PLD5: variants seen among roughly 807,000 people sequenced by gnomAD.
The protein encoded by PLD5 is phospholipase D family member 5.
A neutral mutation model predicts 61.1 loss-of-function variants in PLD5; 36 were observed. That is an observed-to-expected ratio of 0.59 (90% CI 0.45 to 0.78). PLD5 has a LOEUF of 0.78. Among genes scored for constraint, PLD5 ranks in the 30% least tolerant of loss-of-function variants. The pLI, the probability that PLD5 is intolerant of heterozygous loss-of-function variation, is 0.00. For missense variants in PLD5, 515 were observed against 644.4 expected (o/e 0.80, Z 2.17); for synonymous variants, 243 against 242.8 (o/e 1.00, Z -0.01).
intron 8 of PLD5, among the ~76,000 whole-genome samples, chr1:242,101,032 C>T (rs548359190): frequency 2.0e-5 from 3 of 152,230 alleles, no homozygotes; most frequent in Non-Finnish European, 4.4e-5. Flanking sequence ...ACACAAAATT[C>T]GTTTTCTTTT....
In PLD5 at chr1:242,450,450, A is replaced by C. The variant is rs368396578; in HGVS notation, c.189+73638T>G. ...CTGTTGGAAATGTTGGCAAAGTCCC[A>C]CAAATTGGTAGAATTCCTTTTGCTT... On this transcript the variant is annotated intron_variant, in intron 1 of 9. Transcript: ENST00000536534. Among the ~76,000 whole-genome samples the C allele has an allele frequency of 1.8e-4, 27 of 152,264 alleles. No homozygotes were observed. The East Asian group carries it at 3.1e-3, about 17-fold the overall frequency.
chr1:242,097,457 T>C (rs1660335513), intron 9 of PLD5, among the ~76,000 whole-genome samples: 1 of 152,182 alleles, frequency 6.6e-6, no homozygotes, highest in African/African-American at 2.4e-5. Flanking sequence ...TGGGGTGAGA[T>C]GGTATCTCAT....
At chr1:242,143,899 T>C (rs972714099) in intron 5 of PLD5, among the ~76,000 whole-genome samples, 4 of 151,904 alleles carry the variant, frequency 2.6e-5, no homozygotes, top group Non-Finnish European at 4.4e-5. Flanking sequence ...TGGAATGCAG[T>C]GGCACGATCT....
intron 1 of PLD5, among the ~76,000 whole-genome samples, chr1:242,353,610 G>A (rs1238681343): frequency 6.6e-6 from 1 of 151,946 alleles, no homozygotes; most frequent in Non-Finnish European, 1.5e-5. Flanking sequence ...AAATTTCTTT[G>A]CATAGTGTAA....
At chr1:242,494,736 C>A (rs1668307046) in intron 1 of PLD5, among the ~76,000 whole-genome samples, 1 of 152,154 alleles carries the variant, frequency 6.6e-6, no homozygotes, top group Non-Finnish European at 1.5e-5. Flanking sequence ...AAGAACTTCA[C>A]CCTATTATCA....
In PLD5 at chr1:242,296,075, AG is replaced by A. The variant is rs1558439284; in HGVS notation, c.327-7546del. Among the ~76,000 whole-genome samples, 4 of 152,312 alleles carry A rather than the reference AG, an allele frequency of 2.6e-5. No homozygotes were observed. In the East Asian group the frequency reaches 7.7e-4, roughly 29 times the overall value. On this transcript the variant is annotated intron_variant, in intron 2 of 9. Coordinates refer to ENST00000536534, the MANE Select transcript of PLD5 (RefSeq NM_001372062.1). ...CTGTTCCCGCTTCTGAGCAGAAAAAAGGTTATTACAAAGATTAACGGAGGGA... is the reference window on the plus strand; with the variant it reads ...CTGTTCCCGCTTCTGAGCAGAAAAAAGTTATTACAAAGATTAACGGAGGGA...
At chr1:242,280,312 C>G (rs907571742) in intron 3 of PLD5, among the ~76,000 whole-genome samples, 1 of 152,204 alleles carries the variant, frequency 6.6e-6, no homozygotes, top group African/African-American at 2.4e-5. Context: ...TGGAATAACA[C>G]TGCGAATTTG....
chr1:242,497,963 T>TTATG (rs1291727030), intron 1 of PLD5, among the ~76,000 whole-genome samples: 1 of 151,648 alleles, frequency 6.6e-6, no homozygotes, highest in Non-Finnish European at 1.5e-5. Flanking sequence ...TCAATTTATT[T>TTATG]TATTTATTTA....
chr1:242,275,631 T>C (rs1428321916), intron 3 of PLD5, among the ~76,000 whole-genome samples: 2 of 152,140 alleles, frequency 1.3e-5, no homozygotes, highest in Non-Finnish European at 2.9e-5. Flanking sequence ...GATAAGCAAA[T>C]ACAGCCCAAT....
intron 1 of PLD5, among the ~76,000 whole-genome samples, chr1:242,503,514 G>T (rs1668623221): frequency 1.3e-5 from 2 of 152,138 alleles, no homozygotes; most frequent in Non-Finnish European, 2.9e-5. Flanking sequence ...ATGCAAAAAT[G>T]ATCTAACAAC....
Position 242,234,617 on chromosome 1 carries a change from C to T in PLD5, c.608-14502G>A, listed in dbSNP as rs149676840. ...AGAGGGTTTGGGTGGTCCAACTTAA[C>T]ACCTGGAGATGCCACCTGCTGGGAA... On this transcript the variant is annotated intron_variant, in intron 4 of 9. Transcript: ENST00000536534. Among the ~76,000 whole-genome samples, 1,408 of 151,924 alleles carry T rather than the reference C, an allele frequency of 9.3e-3. 17 individuals are homozygous for T. Among genetic ancestry groups the T allele is most frequent in the Non-Finnish European group, 0.015 (1,034 of 67,974 alleles).
chr1:242,156,775 GC>G (rs1292398285), intron 5 of PLD5, among the ~76,000 whole-genome samples: 1 of 152,122 alleles, frequency 6.6e-6, no homozygotes, highest in Non-Finnish European at 1.5e-5. Context: ...CTCTCTGGCT[GC>G]CCTTAACATT....
In PLD5 at chr1:242,100,844, G is replaced by T; in HGVS notation, c.1240-62C>A. The T allele has an allele frequency of 3.5e-6, 4 of 1,146,598 alleles. No homozygotes were observed. The South Asian group carries it at 3.8e-5, about 11-fold the overall frequency. The allele number at this position is 1,146,598 out of a possible 1,614,324, so 71.0% of individuals were successfully genotyped here. Reference sequence around the variant, plus strand: ...GGAACGTTTCTGGTCTTGTCCAAGAGCACAAAAGAATGCATTATCCAAATG... The same window carrying T: ...GGAACGTTTCTGGTCTTGTCCAAGATCACAAAAGAATGCATTATCCAAATG... On this transcript the variant is annotated intron_variant, in intron 8 of 9. Coordinates refer to ENST00000536534, the MANE Select transcript of PLD5 (RefSeq NM_001372062.1).
At chr1:242,229,211 G>C (rs905512854) in intron 4 of PLD5, among the ~76,000 whole-genome samples, 3 of 152,138 alleles carry the variant, frequency 2.0e-5, no homozygotes, top group African/African-American at 7.2e-5. Context: ...GTACACTGTG[G>C]TTAAAAAATG....
chr1:242,304,830 T>C (rs1473954314), intron 2 of PLD5, among the ~76,000 whole-genome samples: 4 of 152,168 alleles, frequency 2.6e-5, no homozygotes, highest in African/African-American at 4.8e-5. Flanking sequence ...GTGAGCTGGA[T>C]TGGTGGCTCA....
chr1:242,463,355 T>C, intron 1 of PLD5, among the ~76,000 whole-genome samples: 1 of 152,204 alleles, frequency 6.6e-6, no homozygotes, highest in African/African-American at 2.4e-5. Context: ...AACTCTGTAC[T>C]CCTGAACTGG....
At chr1:242,149,803 C>T (rs1460997241) in intron 5 of PLD5, among the ~76,000 whole-genome samples, 1 of 151,416 alleles carries the variant, frequency 6.6e-6, no homozygotes, top group African/African-American at 2.4e-5. Context: ...TTATAATGTC[C>T]TTAGGGTCTG....
chr1:242,422,492 T>C (rs1665198728), intron 1 of PLD5, among the ~76,000 whole-genome samples: 1 of 152,222 alleles, frequency 6.6e-6, no homozygotes, highest in South Asian at 2.1e-4. Context: ...TTCAAATACA[T>C]ATAACTTATG....
At chr1:242,354,055 C>A (rs1354821601) in intron 1 of PLD5, among the ~76,000 whole-genome samples, 1 of 151,418 alleles carries the variant, frequency 6.6e-6, no homozygotes, top group Non-Finnish European at 1.5e-5. Context: ...AGGTAAGAGA[C>A]CAGGAAGACT....
Sources: gnomAD v4.1 joint callset for allele counts (sites outside exome capture counted in the v4.1 genomes callset) on GRCh38, gnomAD v4.1.1 for gene constraint, MANE v1.5 for transcripts, NCBI Gene and HGNC (gene_info 2026-07-23, HGNC 2026-07-21) for gene names.